ESRRB: variants seen among roughly 807,000 people sequenced by gnomAD.
ESRRB encodes the protein estrogen related receptor beta, also known as steroid hormone receptor ERR2.
Under a neutral mutation model 46.0 loss-of-function variants are expected in ESRRB, and 16 were observed. That is an observed-to-expected ratio of 0.35 (90% CI 0.24 to 0.53). The LOEUF is 0.53. ESRRB is among the 20% of genes least tolerant of loss of function. The pLI, the probability that ESRRB is intolerant of heterozygous loss-of-function variation, is 0.93. For missense variants in ESRRB, 488 were observed against 607.4 expected, an observed-to-expected ratio of 0.80 and a Z score of 2.07; for synonymous variants, 246 against 259.6, an observed-to-expected ratio of 0.95 and a Z score of 0.50.
At chr14:76,351,986 T>TAAAAAAAAAAAAAAAAAAAAAA (rs201356393) in intron 1 of ESRRB, among the ~76,000 whole-genome samples, 3 of 91,778 alleles carry the variant, frequency 3.3e-5, no homozygotes, top group East Asian at 3.0e-4. Flanking sequence ...CCCAGTCTCT[T>TAAAAAAAAAAAAAAAAAAAAAA]AAAAAAAAAA....
Position 76,321,886 on chromosome 14 carries a change from C to CAAA in ESRRB, c.2+10982_2+10984dup, listed in dbSNP as rs35191942. On this transcript the variant is annotated intron_variant, in intron 1 of 6. Transcript: ENST00000512784. ...TGGGCTAAAGAGCGGGACTCCGTCTCAAAAAAAAAAAAAATATATTCTTCC... is the reference window on the plus strand; with the variant it reads ...TGGGCTAAAGAGCGGGACTCCGTCTCAAAAAAAAAAAAAAAAATATATTCTTCC... 2.2e-3 allele frequency among the ~76,000 whole-genome samples: 316 copies of CAAA among 141,992 alleles called. 2 individuals carry two copies. The highest frequency in any genetic ancestry group is 3.9e-3 in the Non-Finnish European group (257 of 65,432). The allele number at this position is 141,992 out of a possible 152,430, so 93.2% of individuals were successfully genotyped here.
chr14:76,419,478 C>T (rs1595098736), intron 1 of ESRRB, among the ~76,000 whole-genome samples: 1 of 152,228 alleles, frequency 6.6e-6, no homozygotes, highest in African/African-American at 2.4e-5. Context: ...TATTCACCCC[C>T]GAGCCTCATG....
intron 2 of ESRRB, among the ~76,000 whole-genome samples, chr14:76,461,146 C>T (rs1888841348): frequency 6.6e-6 from 1 of 152,246 alleles, no homozygotes; most frequent in Non-Finnish European, 1.5e-5. Context: ...AAGGCAGTCA[C>T]AGCCTCTCCT....
In ESRRB at chr14:76,482,937, G is replaced by A. The variant is rs1320389433; in HGVS notation, c.850+178G>A. ...TCCTTGTAGCATTGGAGAGGAACAGGTAGTTAGAAGACCCAGTGAGGCTTA... is the reference window on the plus strand; with the variant it reads ...TCCTTGTAGCATTGGAGAGGAACAGATAGTTAGAAGACCCAGTGAGGCTTA... On this transcript the variant is annotated intron_variant, in intron 5 of 6. Coordinates refer to ENST00000644823, the MANE Select transcript of ESRRB (RefSeq NM_001379180.1). The surrounding 1 kb of genome is among the most constrained non-coding windows in gnomAD (Gnocchi z 4.3). Among the ~76,000 whole-genome samples, 1 of 152,230 alleles carries A rather than the reference G, an allele frequency of 6.6e-6. No individual in the cohort carries two copies. Among genetic ancestry groups the A allele is most frequent in the South Asian group, 2.1e-4 (1 of 4,834 alleles).
chr14:76,452,632 C>CA (rs1555399039), intron 2 of ESRRB, among the ~76,000 whole-genome samples: 9 of 57,080 alleles, frequency 1.6e-4, no homozygotes, highest in Non-Finnish European at 2.2e-4. Context: ...AAAAAAAAAA[C>CA]AAAACAAAAA....
intron 1 of ESRRB, among the ~76,000 whole-genome samples, chr14:76,360,144 A>C (rs1200314240): frequency 1.3e-5 from 2 of 152,156 alleles, no homozygotes; most frequent in Non-Finnish European, 2.9e-5. Context: ...CTGAGTGAGC[A>C]TGGCAGGTGG....
chr14:76,457,488 A>G (rs908495494), intron 2 of ESRRB, among the ~76,000 whole-genome samples: 9 of 149,690 alleles, frequency 6.0e-5, no homozygotes, highest in African/African-American at 2.2e-4. Flanking sequence ...TATCGTTAGT[A>G]TATTTTATGC....
chr14:76,435,543 A>T (rs1280633755), intron 1 of ESRRB, among the ~76,000 whole-genome samples: 1 of 152,168 alleles, frequency 6.6e-6, no homozygotes, highest in Non-Finnish European at 1.5e-5. Flanking sequence ...TAGTTATGGA[A>T]ATGAGGCGGG....
chr14:76,422,649 A>G (rs1156706930), intron 1 of ESRRB, among the ~76,000 whole-genome samples: 1 of 152,210 alleles, frequency 6.6e-6, no homozygotes, highest in African/African-American at 2.4e-5. Context: ...CTTACAATGT[A>G]CAGGTGCCCA....
chr14:76,319,745 G>A (rs189044392), intron 1 of ESRRB, among the ~76,000 whole-genome samples: 1 of 152,194 alleles, frequency 6.6e-6, no homozygotes, highest in South Asian at 2.1e-4. Flanking sequence ...ATGGTTGGTG[G>A]TGGTGTCTTT....
At chr14:76,413,323 T>C (rs1886520172) in intron 1 of ESRRB, among the ~76,000 whole-genome samples, 1 of 152,228 alleles carries the variant, frequency 6.6e-6, no homozygotes, top group Non-Finnish European at 1.5e-5. Context: ...GGCTTCTTCC[T>C]GTGCCCCGGC....
chr14:76,425,257 G>A (rs1157350892), intron 1 of ESRRB, among the ~76,000 whole-genome samples: 1 of 152,166 alleles, frequency 6.6e-6, no homozygotes, highest in Non-Finnish European at 1.5e-5. Context: ...AGCTCAGAGG[G>A]AAGAAATACT....
intron 1 of ESRRB, among the ~76,000 whole-genome samples, chr14:76,312,978 A>C (rs1883756321): frequency 6.6e-6 from 1 of 152,178 alleles, no homozygotes; most frequent in Admixed American, 6.5e-5. Context: ...GTCAGGATTA[A>C]ATGCAGTGGG....
chr14:76,311,300 G>A (rs1595041112), intron 1 of ESRRB, among the ~76,000 whole-genome samples: 5 of 152,316 alleles, frequency 3.3e-5, no homozygotes, highest in Admixed American at 3.3e-4. Flanking sequence ...CGCCCAGCGT[G>A]AAAACTTTTA....
At chr14:76,337,554 G>A (rs916202160) in intron 1 of ESRRB, among the ~76,000 whole-genome samples, 21 of 152,172 alleles carry the variant, frequency 1.4e-4, no homozygotes, top group African/African-American at 4.3e-4. Flanking sequence ...AGGTGTGTGT[G>A]GGCGGGGGCT....
At chr14:76,330,867 T>A (rs1884005275) in intron 1 of ESRRB, among the ~76,000 whole-genome samples, 1 of 152,086 alleles carries the variant, frequency 6.6e-6, no homozygotes, top group African/African-American at 2.4e-5. Context: ...AGGGTGGGGC[T>A]GGCCACGGAA....
In ESRRB at chr14:76,390,170, C is replaced by T. The variant is rs80161444; in HGVS notation, c.50+13719C>T. On this transcript the variant is annotated intron_variant, in intron 1 of 6. Coordinates refer to ENST00000644823, the MANE Select transcript of ESRRB (RefSeq NM_001379180.1). ...ATTCCTCTTCTGCTGTGATCTTCCA[C>T]GTTAGATTGCTGTAAAGATTAAAAG... 4.2e-3 allele frequency among the ~76,000 whole-genome samples: 635 copies of T among 152,304 alleles called. 1 individual carries two copies. Among genetic ancestry groups the T allele is most frequent in the South Asian group, 0.016 (75 of 4,818 alleles).
intron 1 of ESRRB, among the ~76,000 whole-genome samples, chr14:76,431,321 C>T (rs990398064): frequency 3.3e-5 from 5 of 152,022 alleles, no homozygotes; most frequent in Admixed American, 1.3e-4. Context: ...AACAAAACAC[C>T]GATGATGATC....
chr14:76,471,007 C>A (rs945826500), intron 3 of ESRRB, among the ~76,000 whole-genome samples: 2 of 152,188 alleles, frequency 1.3e-5, no homozygotes, highest in Non-Finnish European at 2.9e-5. Flanking sequence ...ATTGGCATTG[C>A]CACTTGTGTC....
Sources: gnomAD v4.1 joint callset for allele counts (sites outside exome capture counted in the v4.1 genomes callset) on GRCh38, gnomAD v4.1.1 for gene constraint, Gnocchi (gnomAD v3.1) non-coding constraint, MANE v1.5 for transcripts, NCBI Gene and HGNC (gene_info 2026-07-23, HGNC 2026-07-21) for gene names.